TMPRSS15: variants seen among roughly 807,000 people sequenced by gnomAD.
TMPRSS15 encodes enteropeptidase.
Under a neutral mutation model 125.3 loss-of-function variants are expected in TMPRSS15, and 128 were observed. The observed-to-expected ratio is 1.02, with a 90% CI of 0.89 to 1.18. The LOEUF is 1.18. TMPRSS15 is among the 50% of genes most tolerant of loss of function. The pLI, the probability that TMPRSS15 is intolerant of heterozygous loss-of-function variation, is 0.00. For missense variants in TMPRSS15, 1,283 were observed against 1,212.7 expected, an observed-to-expected ratio of 1.06 and a Z score of -0.86; for synonymous variants, 446 against 423.2, an observed-to-expected ratio of 1.05 and a Z score of -0.66.
At chr21:18,323,234 T>G (rs2146956140) in intron 16 of TMPRSS15, among the ~76,000 whole-genome samples, 1 of 152,328 alleles carries the variant, frequency 6.6e-6, no homozygotes, top group South Asian at 2.1e-4. Flanking sequence ...GTTAGTTTGT[T>G]CTCATGCTGC....
chr21:18,277,187 G>A (rs2074632678), intron 23 of TMPRSS15, among the ~76,000 whole-genome samples: 1 of 152,108 alleles, frequency 6.6e-6, no homozygotes, highest in Non-Finnish European at 1.5e-5. Context: ...ATTCCTAAAT[G>A]AAATTGATCT....
chr21:18,317,767 CCCA>C, intron 16 of TMPRSS15, among the ~76,000 whole-genome samples: 1 of 90,520 alleles, frequency 1.1e-5, no homozygotes. Flanking sequence ...CCCATCCCAT[CCCA>C]TCCCATCCCA....
At chr21:18,370,681 T>C (rs2075783671) in intron 6 of TMPRSS15, among the ~76,000 whole-genome samples, 1 of 152,164 alleles carries the variant, frequency 6.6e-6, no homozygotes. Context: ...AGTCTGTAGT[T>C]AAACTTTAAA....
At chr21:18,407,448 C>CTTTTTTT (rs201740388), upstream of TMPRSS15, among the ~76,000 whole-genome samples, 153 of 133,176 alleles carry the variant, frequency 1.1e-3, 1 homozygote, top group African/African-American at 2.1e-3. Context: ...TTTTTCTTTT[C>CTTTTTTT]TTTTTTTTTT....
chr21:18,284,298 G>A (rs1050230082), intron 21 of TMPRSS15, among the ~76,000 whole-genome samples: 3 of 152,146 alleles, frequency 2.0e-5, no homozygotes, highest in Non-Finnish European at 4.4e-5. Flanking sequence ...GCTTTTCCTC[G>A]GTGGAAAATG....
intron 1 of TMPRSS15, among the ~76,000 whole-genome samples, chr21:18,447,078 CAT>C (rs987068218): frequency 5.9e-5 from 9 of 152,062 alleles, no homozygotes; most frequent in Admixed American, 4.6e-4. Context: ...ACTCAAATAA[CAT>C]AATAGCAAAA....
At chr21:18,438,662 T>C (rs939941881) in intron 1 of TMPRSS15, among the ~76,000 whole-genome samples, 2 of 152,156 alleles carry the variant, frequency 1.3e-5, no homozygotes, top group Non-Finnish European at 2.9e-5. Context: ...TAAGAATAAC[T>C]GCCAGCACCA....
intron 1 of TMPRSS15, among the ~76,000 whole-genome samples, chr21:18,421,445 A>T (rs1433984702): frequency 6.6e-6 from 1 of 152,228 alleles, no homozygotes; most frequent in Non-Finnish European, 1.5e-5. Context: ...TAGGGATAAT[A>T]GTTACCTAAT....
chr21:18,470,831 A>T (rs544957743), intron 1 of TMPRSS15, among the ~76,000 whole-genome samples: 81 of 152,176 alleles, frequency 5.3e-4, no homozygotes, highest in African/African-American at 1.8e-3. Flanking sequence ...AGTATAAAAA[A>T]CTTTAAATTT....
chr21:18,290,850 C>T (rs182938385), intron 21 of TMPRSS15, among the ~76,000 whole-genome samples: 122 of 152,114 alleles, frequency 8.0e-4, no homozygotes, highest in African/African-American at 2.9e-3. Flanking sequence ...AAAAAAGTCT[C>T]CTGACTTAGA....
intron 7 of TMPRSS15, among the ~76,000 whole-genome samples, chr21:18,363,131 A>C (rs1170394065): frequency 6.6e-6 from 1 of 152,160 alleles, no homozygotes; most frequent in Non-Finnish European, 1.5e-5. Context: ...TTGGGAAAGA[A>C]AACAACTATT....
chr21:18,400,583 A>G (rs2076086015), intron 1 of TMPRSS15, among the ~76,000 whole-genome samples: 1 of 152,236 alleles, frequency 6.6e-6, no homozygotes, highest in Non-Finnish European at 1.5e-5. Context: ...AATTAACGCA[A>G]GATAAATTAA....
chr21:18,273,175 C>G (rs1050562310), intron 24 of TMPRSS15, among the ~76,000 whole-genome samples: 2 of 152,164 alleles, frequency 1.3e-5, no homozygotes, highest in African/African-American at 4.8e-5. Context: ...TATTCTTCAG[C>G]CATTGGTGTT....
At chr21:18,482,130 C>T (rs1480956965) in intron 1 of TMPRSS15, among the ~76,000 whole-genome samples, 1 of 150,888 alleles carries the variant, frequency 6.6e-6, no homozygotes, top group Non-Finnish European at 1.5e-5. Flanking sequence ...TATTGTATTG[C>T]TTCATTTTTT....
intron 1 of TMPRSS15, among the ~76,000 whole-genome samples, chr21:18,449,017 G>C (rs1015767716): frequency 6.6e-6 from 1 of 152,078 alleles, no homozygotes; most frequent in Admixed American, 6.6e-5. Flanking sequence ...AATCCACTTA[G>C]TAAATAATGA....
rs540950041 is a variant in TMPRSS15 at position 18,296,132 on chromosome 21, A to G, written c.2262-1480T>C. Among the ~76,000 whole-genome samples, 315 of 152,308 alleles carry G rather than the reference A, an allele frequency of 2.1e-3. 1 individual carries two copies. Among genetic ancestry groups the G allele is most frequent in the African/African-American group, 6.6e-3 (275 of 41,566 alleles). ...CACGCCACTGCACTCCAGCCTGGGC[A>G]ACAGAGCGAGACTCCGTCTCAAAAA... On this transcript the variant is annotated intron_variant, in intron 19 of 24. Transcript: ENST00000284885.
chr21:18,398,138 G>C, intron 2 of TMPRSS15, 61 bp downstream of exon 2: 1 of 1,576,314 alleles, frequency 6.3e-7, no homozygotes. Flanking sequence ...TGAGAAAATG[G>C]TGTTTTCAGC....
chr21:18,341,035 C>A (rs1036715319), intron 13 of TMPRSS15, among the ~76,000 whole-genome samples: 2 of 152,056 alleles, frequency 1.3e-5, no homozygotes, highest in South Asian at 4.1e-4. Flanking sequence ...AAAGGAAGAT[C>A]TACCTGAAAA....
intron 16 of TMPRSS15, among the ~76,000 whole-genome samples, chr21:18,320,233 T>A (rs941092216): frequency 6.6e-6 from 1 of 152,172 alleles, no homozygotes; most frequent in Admixed American, 6.5e-5. Flanking sequence ...ATATATTCTG[T>A]CTTAAATATA....
Sources: gnomAD v4.1 joint callset for allele counts (sites outside exome capture counted in the v4.1 genomes callset) on GRCh38, gnomAD v4.1.1 for gene constraint, MANE v1.5 for transcripts, NCBI Gene and HGNC (gene_info 2026-07-23, HGNC 2026-07-21) for gene names.